Variants in BCL2L14 observed in about 807,000 individuals in gnomAD.
BCL2L14 encodes BCL2 like 14.
BCL2L14 carries 27 observed loss-of-function variants against 35.3 expected under a neutral mutation model. That is an observed-to-expected ratio of 0.76 (90% CI 0.56 to 1.05). The LOEUF (loss-of-function observed/expected upper bound fraction) is 1.05. Among genes scored for constraint, BCL2L14 ranks in the 50% least tolerant of loss-of-function variants. BCL2L14 has a pLI of 0.00. For missense variants in BCL2L14, 377 were observed against 382.6 expected, an observed-to-expected ratio of 0.99 and a Z score of 0.12; for synonymous variants, 139 against 145.9, an observed-to-expected ratio of 0.95 and a Z score of 0.34.
rs762861085 is a variant in BCL2L14, at chr12:12,070,981, CTGGGGCTCTAAACTA to C, written c.-163_-149del. The C allele has an allele frequency of 3.9e-5, 6 of 152,122 alleles. No homozygotes were observed. Among genetic ancestry groups the C allele is most frequent in the Non-Finnish European group, 8.8e-5 (6 of 68,016 alleles). The allele number at this position is 152,122 out of a possible 1,614,324, so 9.4% of individuals were successfully genotyped here. On this transcript the variant is annotated 5_prime_UTR_variant, in exon 1 of 6. Transcript: ENST00000308721. The stretch of plus-strand genomic sequence containing the variant: ...CCTAAACCTGAAGAAAGTTTAGAGC[CTGGGGCTCTAAACTA>C]CCTGAGTCTTTCCAAACGACAAGCC...
At chr12:12,052,700 T>G (rs1948375050) in intron 2 of BCL2L14, among the ~76,000 whole-genome samples, 1 of 152,196 alleles carries the variant, frequency 6.6e-6, no homozygotes, top group South Asian at 2.1e-4. Flanking sequence ...CAGGTGTCTC[T>G]TCAACATACT....
intron 5 of BCL2L14, among the ~76,000 whole-genome samples, chr12:12,097,780 G>A (rs1025748012): frequency 6.6e-6 from 1 of 151,566 alleles, no homozygotes; most frequent in Non-Finnish European, 1.5e-5. Flanking sequence ...TTTGGCTGCT[G>A]GTACTGGAGA....
At chr12:12,095,350 C>CCT in intron 5 of BCL2L14, 1 of 985,404 alleles carries the variant, frequency 1.0e-6, no homozygotes, top group Non-Finnish European at 1.2e-6. Flanking sequence ...CATGCAGAGA[C>CCT]TCAGGGTTCA....
At chr12:12,088,677 C>G (rs1397581460) in intron 3 of BCL2L14, among the ~76,000 whole-genome samples, 1 of 152,198 alleles carries the variant, frequency 6.6e-6, no homozygotes, top group Non-Finnish European at 1.5e-5. Context: ...TAAATCATTT[C>G]TTTTTAACTC....
chr12:12,061,347 A>G (rs948172389), intron 2 of BCL2L14, among the ~76,000 whole-genome samples: 20 of 151,402 alleles, frequency 1.3e-4, no homozygotes, highest in Admixed American at 6.6e-5. Flanking sequence ...ATTAAAACCT[A>G]ATCACCCTTA....
At chr12:12,065,513 G>T (rs1051430592) in intron 2 of BCL2L14, among the ~76,000 whole-genome samples, 2 of 146,334 alleles carry the variant, frequency 1.4e-5, no homozygotes, top group Non-Finnish European at 3.0e-5. Flanking sequence ...TCCAGGCTGG[G>T]CGACAGAGTG....
At chr12:12,061,859 C>T (rs1428060285) in intron 2 of BCL2L14, among the ~76,000 whole-genome samples, 8 of 152,292 alleles carry the variant, frequency 5.3e-5, no homozygotes, top group African/African-American at 1.4e-4. Flanking sequence ...CCCTGCTGAT[C>T]GTGTCCGATT....
intron 2 of BCL2L14, among the ~76,000 whole-genome samples, chr12:12,082,594 A>C (rs940999473): frequency 6.6e-6 from 1 of 152,144 alleles, no homozygotes; most frequent in Non-Finnish European, 1.5e-5. Context: ...AGAAGCTTTT[A>C]TTTCTTTTTT....
chr12:12,073,257 G>C (rs7308674), intron 1 of BCL2L14, among the ~76,000 whole-genome samples: 29,341 of 152,152 alleles, frequency 0.19, 3,115 homozygotes, highest in South Asian at 0.29. Flanking sequence ...CCAGGCTCTT[G>C]TGGCGGAGGC....
intron 5 of BCL2L14, among the ~76,000 whole-genome samples, chr12:12,096,626 T>C (rs1353004144): frequency 1.3e-5 from 2 of 152,202 alleles, no homozygotes; most frequent in Non-Finnish European, 1.5e-5. Context: ...TAAAAGCACA[T>C]GAAAAGACGC....
intron 1 of BCL2L14, chr12:12,049,978 T>C (rs1948323458): frequency 6.6e-6 from 1 of 152,218 alleles, no homozygotes; most frequent in Admixed American, 6.5e-5. Context: ...AAGTTTCTTA[T>C]AAATGTGCTT....
intron 2 of BCL2L14, among the ~76,000 whole-genome samples, chr12:12,056,655 G>A (rs1240531642): frequency 1.3e-5 from 2 of 152,184 alleles, no homozygotes; most frequent in Non-Finnish European, 2.9e-5. Context: ...CCAACATGGT[G>A]AAACCCCATC....
rs149270547 is a variant in BCL2L14 at position 12,063,731 on chromosome 12, C to T, written c.-272+11884C>T. 9.4e-3 allele frequency among the ~76,000 whole-genome samples: 1,430 copies of T among 152,252 alleles called. 23 individuals are homozygous for T. The highest frequency in any genetic ancestry group is 0.014 in the Middle Eastern group (4 of 294). ...AGCCATCATATCCCCGTGACCTGCA[C>T]GTACACATCCAGATGGCCAGTTCCT... On this transcript the variant is annotated intron_variant, in intron 2 of 3. Transcript: ENST00000461264.
intron 3 of BCL2L14, among the ~76,000 whole-genome samples, chr12:12,087,691 A>AG (rs1190940778): frequency 6.6e-6 from 1 of 152,244 alleles, no homozygotes; most frequent in Non-Finnish European, 1.5e-5. Context: ...ATGCAATGTT[A>AG]GATCTGATCA....
intron 2 of BCL2L14, among the ~76,000 whole-genome samples, chr12:12,054,084 G>A (rs142802082): frequency 1.5e-3 from 228 of 152,262 alleles, no homozygotes; most frequent in African/African-American, 5.1e-3. Context: ...ACCCTGCTAC[G>A]TATTTGTTTG....
chr12:12,058,341 CCCGGGTT>C (rs968361971), intron 2 of BCL2L14, among the ~76,000 whole-genome samples: 9 of 151,854 alleles, frequency 5.9e-5, no homozygotes. Context: ...ACCTCCGCTT[CCCGGGTT>C]CAAGCGATTC....
intron 2 of BCL2L14, among the ~76,000 whole-genome samples, chr12:12,062,184 T>C (rs1377608130): frequency 1.3e-5 from 2 of 151,558 alleles, no homozygotes; most frequent in African/African-American, 4.9e-5. Flanking sequence ...TCAGCTGTAC[T>C]CACTCTTTGT....
chr12:12,094,511 G>C, intron 4 of BCL2L14, 153 bp from the exon 5 acceptor site: 1 of 1,613,928 alleles, frequency 6.2e-7, no homozygotes, highest in Non-Finnish European at 8.5e-7. Flanking sequence ...GGTTCTGCAG[G>C]ACACTGCCTT....
intron 3 of BCL2L14, among the ~76,000 whole-genome samples, chr12:12,087,909 T>G (rs938083864): frequency 6.6e-6 from 1 of 152,006 alleles, no homozygotes; most frequent in African/African-American, 2.4e-5. Flanking sequence ...AGACTGTAGA[T>G]CCCATCAGGC....
Sources: allele counts gnomAD v4.1 joint callset (sites outside exome capture counted in the v4.1 genomes callset), GRCh38; gene constraint gnomAD v4.1.1; transcripts MANE v1.5; gene names NCBI Gene and HGNC (gene_info 2026-07-23, HGNC 2026-07-21).